ARHGAP24: variants seen among roughly 807,000 people sequenced by gnomAD.
ARHGAP24 encodes Rho GTPase activating protein 24.
A neutral mutation model predicts 76.4 loss-of-function variants in ARHGAP24; 50 were observed. The ratio of observed to expected loss-of-function variants is 0.65; its 90% CI spans 0.52 to 0.83. The LOEUF (loss-of-function observed/expected upper bound fraction) is 0.83, where lower values mean the gene tolerates loss of function less well. ARHGAP24 is among the 40% of genes least tolerant of loss of function. ARHGAP24 has a pLI of 0.00. For synonymous variants in ARHGAP24, 345 were observed against 323.3 expected, an observed-to-expected ratio of 1.07 and a Z score of -0.72; for missense variants, 930 against 914.2, an observed-to-expected ratio of 1.02 and a Z score of -0.22.
At chr4:85,570,480 A>G (rs753709441) in intron 1 of ARHGAP24, 42 bp from the exon 2 acceptor site, 2 of 1,516,472 alleles carry the variant, frequency 1.3e-6, no homozygotes, top group Non-Finnish European at 1.8e-6. Context: ...TGAATATAAC[A>G]GAGCACCTCA....
At chr4:85,859,607 A>G (rs1578310288) in intron 3 of ARHGAP24, among the ~76,000 whole-genome samples, 1 of 152,226 alleles carries the variant, frequency 6.6e-6, no homozygotes, top group Middle Eastern at 3.4e-3. Context: ...TTTAGGTCTG[A>G]GTATCTCTAT....
intron 3 of ARHGAP24, among the ~76,000 whole-genome samples, chr4:85,898,031 GTGTA>G (rs1411475832): frequency 3.9e-3 from 314 of 79,558 alleles, no homozygotes; most frequent in Non-Finnish European, 5.1e-3. Flanking sequence ...ACACATATAT[GTGTA>G]TATATATATA....
At position 85,501,082 on chromosome 4, in the gene ARHGAP24, C is replaced by G. The variant is rs546522675; in HGVS notation, c.-21+25523C>G. ...TTTTATGTCTGAATAGAATAGTATTCCATGGTGTATATGTGCCACATTTTC... is the reference window on the plus strand; with the variant it reads ...TTTTATGTCTGAATAGAATAGTATTGCATGGTGTATATGTGCCACATTTTC... On this transcript the variant is annotated intron_variant, in intron 1 of 9. Transcript: ENST00000395184. Among the ~76,000 whole-genome samples the G allele has an allele frequency of 4.6e-5, 7 of 152,262 alleles. No homozygotes were observed. The East Asian group carries it at 1.4e-3, about 29-fold the overall frequency.
intron 4 of ARHGAP24, among the ~76,000 whole-genome samples, chr4:85,939,345 T>A (rs1037110584): frequency 6.6e-6 from 1 of 152,180 alleles, no homozygotes; most frequent in East Asian, 1.9e-4. Flanking sequence ...GGAAAAGGAC[T>A]GATATTCAGG....
intron 3 of ARHGAP24, among the ~76,000 whole-genome samples, chr4:85,847,169 T>C (rs1282080103): frequency 1.3e-5 from 2 of 152,220 alleles, no homozygotes; most frequent in African/African-American, 2.4e-5. Context: ...ATTGACTTGA[T>C]GATCTGCAAT....
chr4:85,762,692 C>T (rs1018659165), intron 3 of ARHGAP24, among the ~76,000 whole-genome samples: 7 of 152,060 alleles, frequency 4.6e-5, no homozygotes, highest in South Asian at 2.1e-4. Flanking sequence ...CTTCCAGGTC[C>T]GTCTGACTCC....
intron 2 of ARHGAP24, among the ~76,000 whole-genome samples, chr4:85,619,875 G>T (rs1020085021): frequency 5.9e-5 from 9 of 151,644 alleles, no homozygotes; most frequent in Admixed American, 5.9e-4. Flanking sequence ...ATCATGAAAT[G>T]ATCTTATTTT....
At chr4:85,782,919 T>A (rs1299341467) in intron 3 of ARHGAP24, among the ~76,000 whole-genome samples, 1 of 152,184 alleles carries the variant, frequency 6.6e-6, no homozygotes, top group Non-Finnish European at 1.5e-5. Context: ...TAAAAAGACA[T>A]CGACAAATAA....
chr4:85,729,762 T>C (rs1447912502), intron 3 of ARHGAP24, among the ~76,000 whole-genome samples: 1 of 152,244 alleles, frequency 6.6e-6, no homozygotes, highest in Non-Finnish European at 1.5e-5. Flanking sequence ...AATTTACTTA[T>C]GGTCACTGAA....
chr4:85,665,270 G>T (rs1275167367), intron 2 of ARHGAP24, among the ~76,000 whole-genome samples: 1 of 151,932 alleles, frequency 6.6e-6, no homozygotes, highest in Admixed American at 6.6e-5. Context: ...ATTATGTAAT[G>T]GCCTTCTTTG....
Position 85,616,041 on chromosome 4 carries a change from T to C in ARHGAP24, c.180+45320T>C, listed in dbSNP as rs150903013. Among the ~76,000 whole-genome samples, 1,283 of 152,334 alleles carry C rather than the reference T, an allele frequency of 8.4e-3. 21 individuals carry two copies. The highest frequency in any genetic ancestry group is 0.029 in the African/African-American group (1,225 of 41,582). The stretch of plus-strand genomic sequence containing the variant: ...TGGAAGATGGCATATTTTAATTATA[T>C]GCCTCAAAGCAGATCAGACACTGGA... On this transcript the variant is annotated intron_variant, in intron 2 of 9. Coordinates refer to ENST00000395184, the MANE Select transcript of ARHGAP24 (RefSeq NM_001025616.3).
In ARHGAP24 at chr4:86,001,586, C is replaced by A. The variant is rs1741021683; in HGVS notation, c.*864C>A. ...ACTGCTGGATAGTTTTAGAGGAATT[C>A]TCCTGCTACTTAGGTACTGGGAAAC... On this transcript the variant is annotated 3_prime_UTR_variant, in exon 10 of 10. Coordinates refer to ENST00000395184, the MANE Select transcript of ARHGAP24 (RefSeq NM_001025616.3). 2 of 396,178 alleles carry A rather than the reference C, an allele frequency of 5.0e-6. No homozygotes were observed. The highest frequency in any genetic ancestry group is 4.4e-6 in the Non-Finnish European group (1 of 225,078). The allele number at this position is 396,178 out of a possible 1,614,324, so 24.5% of individuals were successfully genotyped here.
At chr4:85,591,631 ATTAG>A (rs1231300077) in intron 2 of ARHGAP24, among the ~76,000 whole-genome samples, 15 of 152,216 alleles carry the variant, frequency 9.9e-5, no homozygotes, top group East Asian at 1.9e-4. Flanking sequence ...TTCACAAGTC[ATTAG>A]TTAAAGTATT....
At chr4:85,807,491 C>T (rs1389815055) in intron 3 of ARHGAP24, among the ~76,000 whole-genome samples, 2 of 152,182 alleles carry the variant, frequency 1.3e-5, no homozygotes, top group Non-Finnish European at 2.9e-5. Flanking sequence ...AAATCCAAGT[C>T]ACCAGGATGT....
chr4:85,650,807 C>A (rs1467867851), intron 2 of ARHGAP24, among the ~76,000 whole-genome samples: 2 of 149,220 alleles, frequency 1.3e-5, no homozygotes, highest in East Asian at 1.9e-4. Context: ...ATTAAGGGAA[C>A]CTGTGAAAGT....
intron 1 of ARHGAP24, among the ~76,000 whole-genome samples, chr4:85,521,841 G>T (rs1380576093): frequency 6.6e-6 from 1 of 152,120 alleles, no homozygotes; most frequent in Non-Finnish European, 1.5e-5. Context: ...CCATTGAAGA[G>T]GCCAATGTAG....
At chr4:85,757,099 C>T (rs1464708016) in intron 3 of ARHGAP24, among the ~76,000 whole-genome samples, 1 of 151,968 alleles carries the variant, frequency 6.6e-6, no homozygotes, top group Non-Finnish European at 1.5e-5. Context: ...AATTATAGCA[C>T]ATTTGGGCCA....
chr4:85,911,557 A>G (rs956756149), intron 3 of ARHGAP24, among the ~76,000 whole-genome samples: 1 of 152,218 alleles, frequency 6.6e-6, no homozygotes, highest in Admixed American at 6.5e-5. Context: ...ATTTGCTGAT[A>G]AGTGGATGCT....
chr4:85,729,395 T>G (rs182292211), intron 3 of ARHGAP24, among the ~76,000 whole-genome samples: 51 of 152,362 alleles, frequency 3.3e-4, no homozygotes, highest in Admixed American at 1.3e-3. Context: ...AAATATACAC[T>G]TGAAAGAAGC....
Sources: allele counts gnomAD v4.1 joint callset (sites outside exome capture counted in the v4.1 genomes callset), GRCh38; gene constraint gnomAD v4.1.1; transcripts MANE v1.5; gene names NCBI Gene and HGNC (gene_info 2026-07-23, HGNC 2026-07-21).